Variants in NOX4 observed in about 807,000 individuals in gnomAD.
NOX4 encodes the protein kidney oxidase-1.
NOX4 carries 69 observed loss-of-function variants against 87.6 expected under a neutral mutation model. The ratio of observed to expected loss-of-function variants is 0.79; its 90% CI spans 0.65 to 0.96. The LOEUF (loss-of-function observed/expected upper bound fraction) is 0.96. Among genes scored for constraint, NOX4 ranks in the 40% least tolerant of loss-of-function variants. NOX4 has a pLI of 0.00. For synonymous variants in NOX4, 275 were observed against 238.2 expected, an observed-to-expected ratio of 1.15 and a Z score of -1.42; for missense variants, 680 against 681.5, an observed-to-expected ratio of 1.00 and a Z score of 0.02.
chr11:89,466,108 T>C (rs1299064247), intron 2 of NOX4, among the ~76,000 whole-genome samples: 2 of 152,142 alleles, frequency 1.3e-5, no homozygotes, highest in Non-Finnish European at 2.9e-5. Flanking sequence ...ACCCTAAATC[T>C]ATTGACACTG....
chr11:89,397,546 G>C (rs1941571460), intron 11 of NOX4, among the ~76,000 whole-genome samples: 2 of 151,982 alleles, frequency 1.3e-5, no homozygotes, highest in South Asian at 4.2e-4. Flanking sequence ...TTTTTGAAAA[G>C]ATCAACAAAA....
At chr11:89,376,884 A>G (rs1459377217) in intron 11 of NOX4, among the ~76,000 whole-genome samples, 1 of 152,030 alleles carries the variant, frequency 6.6e-6, no homozygotes, top group African/African-American at 2.4e-5. Flanking sequence ...TCCATCTCAA[A>G]AAATAAAAAT....
chr11:89,358,777 A>T (rs1163722295), intron 12 of NOX4, among the ~76,000 whole-genome samples: 1 of 151,926 alleles, frequency 6.6e-6, no homozygotes, highest in African/African-American at 2.4e-5. Context: ...AAAAAAAGAT[A>T]TATTAATGCT....
intron 6 of NOX4, among the ~76,000 whole-genome samples, chr11:89,438,874 TAA>T (rs1352840667): frequency 9.1e-5 from 5 of 54,886 alleles, no homozygotes; most frequent in African/African-American, 4.4e-4. Flanking sequence ...ATTATATATA[TAA>T]TATATAATAT....
chr11:89,587,325 G>A, the NOX4 span, among the ~76,000 whole-genome samples: 1 of 152,128 alleles, frequency 6.6e-6, no homozygotes, highest in African/African-American at 2.4e-5. Context: ...TAAGGAGATG[G>A]AAAACATTTT....
intron 7 of NOX4, among the ~76,000 whole-genome samples, chr11:89,423,562 C>T (rs1478706442): frequency 1.3e-5 from 2 of 151,982 alleles, no homozygotes; most frequent in Admixed American, 6.6e-5. Context: ...GCAAGTAAGT[C>T]CCATTCTCTT....
chr11:89,494,884 G>T (rs988324280), upstream of NOX4, among the ~76,000 whole-genome samples: 1 of 152,210 alleles, frequency 6.6e-6, no homozygotes, highest in Non-Finnish European at 1.5e-5. Flanking sequence ...AGTTCTGAAT[G>T]TCAGAAGTCT....
intron 6 of NOX4, among the ~76,000 whole-genome samples, chr11:89,438,022 T>C (rs1050026942): frequency 6.6e-6 from 1 of 151,592 alleles, no homozygotes; most frequent in Admixed American, 6.6e-5. Context: ...GGAAGGTTAG[T>C]AAAACACTTT....
At chr11:89,409,659 T>A (rs1467081606) in intron 8 of NOX4, among the ~76,000 whole-genome samples, 4 of 152,076 alleles carry the variant, frequency 2.6e-5, no homozygotes, top group Non-Finnish European at 5.9e-5. Context: ...ACTTTTTACA[T>A]AAAATTTAAA....
At chr11:89,444,514 CT>C (rs1256547198) in intron 4 of NOX4, among the ~76,000 whole-genome samples, 7 of 128,678 alleles carry the variant, frequency 5.4e-5, no homozygotes, top group South Asian at 5.0e-4. Context: ...CATCCTCCCC[CT>C]AACACACATA....
At chr11:89,525,920 T>G in the NOX4 span, among the ~76,000 whole-genome samples, 2 of 152,158 alleles carry the variant, frequency 1.3e-5, no homozygotes, top group South Asian at 2.1e-4. Context: ...ATGTTCATCT[T>G]TTTCCCATAT....
At chr11:89,375,717 A>T (rs1939791215) in intron 11 of NOX4, among the ~76,000 whole-genome samples, 1 of 152,194 alleles carries the variant, frequency 6.6e-6, no homozygotes, top group Non-Finnish European at 1.5e-5. Flanking sequence ...ATACTACTGA[A>T]GGCTGACCAG....
chr11:89,452,140 GA>G (rs1289392083), intron 2 of NOX4, among the ~76,000 whole-genome samples: 2 of 152,140 alleles, frequency 1.3e-5, no homozygotes, highest in Non-Finnish European at 2.9e-5. Context: ...ACAATCACCT[GA>G]AAACACTGTT....
chr11:89,580,318 G>A, the NOX4 span, among the ~76,000 whole-genome samples: 1 of 151,958 alleles, frequency 6.6e-6, no homozygotes, highest in Admixed American at 6.6e-5. Flanking sequence ...CTAAAGAGCT[G>A]GGACTACAGG....
At chr11:89,472,819 G>T in intron 2 of NOX4, among the ~76,000 whole-genome samples, 1 of 152,108 alleles carries the variant, frequency 6.6e-6, no homozygotes, top group East Asian at 1.9e-4. Context: ...ACAGCCAGGG[G>T]TTTCTAAAGA....
chr11:89,475,784 A>G (rs936329050), intron 2 of NOX4, among the ~76,000 whole-genome samples: 1 of 151,998 alleles, frequency 6.6e-6, no homozygotes, highest in Non-Finnish European at 1.5e-5. Context: ...GGGAAGAAAT[A>G]TTGAGGCACT....
At chr11:89,393,054 G>A (rs1941233269) in intron 11 of NOX4, among the ~76,000 whole-genome samples, 1 of 152,098 alleles carries the variant, frequency 6.6e-6, no homozygotes, top group Admixed American at 6.6e-5. Context: ...TTTAGCACTG[G>A]AAGCTATGTT....
chr11:89,555,223 T>C, the NOX4 span, among the ~76,000 whole-genome samples: 4 of 152,052 alleles, frequency 2.6e-5, no homozygotes, highest in Non-Finnish European at 5.9e-5. Flanking sequence ...TGACTCTGGA[T>C]TGTAAATCCT....
In NOX4 at chr11:89,399,432, AATATATATAT is replaced by A. The variant is rs1208007737; in HGVS notation, c.1074+575_1074+584del. Among the ~76,000 whole-genome samples, 224 of 75,644 alleles carry A rather than the reference AATATATATAT, an allele frequency of 3.0e-3. 2 individuals are homozygous for A. The highest frequency in any genetic ancestry group is 9.5e-3 in the African/African-American group (185 of 19,488). 49.6% of individuals were successfully genotyped at this position (75,644 alleles called of 152,430 possible). A position where few individuals can be genotyped will look rare whatever the true frequency, so the allele number is the denominator to read the frequency against. On this transcript the variant is annotated intron_variant, in intron 11 of 17. Coordinates refer to ENST00000263317, the MANE Select transcript of NOX4 (RefSeq NM_016931.5). ...AGAAAAGTAAATATTCAAGAAATTA[AATATATATAT>A]ATATATATATATATATATATATATA...
Sources: allele counts gnomAD v4.1 joint callset (sites outside exome capture counted in the v4.1 genomes callset), GRCh38; gene constraint gnomAD v4.1.1; transcripts MANE v1.5; gene names NCBI Gene and HGNC (gene_info 2026-07-23, HGNC 2026-07-21).